The following KPNA7 variants were observed in gnomAD, a reference collection of about 807,000 sequenced individuals.
KPNA7 encodes karyopherin subunit alpha 7, also known as importin subunit alpha-8.
KPNA7 carries 54 observed loss-of-function variants against 53.7 expected under a neutral mutation model. The ratio of observed to expected loss-of-function variants is 1.01; its 90% CI spans 0.81 to 1.26. The LOEUF is 1.26. Ranked by LOEUF, KPNA7 falls within the 50% of genes most tolerant of loss-of-function variation. KPNA7 has a pLI of 0.00. For synonymous variants in KPNA7, 276 were observed against 259.3 expected, an observed-to-expected ratio of 1.06 and a Z score of -0.62; for missense variants, 640 against 644.5, an observed-to-expected ratio of 0.99 and a Z score of 0.07.
At chr7:99,157,181 G>A in the KPNA7 span, among the ~76,000 whole-genome samples, 3 of 152,112 alleles carry the variant, frequency 2.0e-5, no homozygotes, top group Non-Finnish European at 2.9e-5. Flanking sequence ...CTGGGAAATG[G>A]TTGTTTTGTT....
At chr7:99,215,465 A>T (rs1489870812) in intron 1 of KPNA7, among the ~76,000 whole-genome samples, 1 of 151,454 alleles carries the variant, frequency 6.6e-6, no homozygotes, top group East Asian at 1.9e-4. Context: ...GCTCAGCTGC[A>T]GATGAGACAG....
the KPNA7 span, among the ~76,000 whole-genome samples, chr7:99,149,923 T>C: frequency 6.6e-6 from 1 of 151,958 alleles, no homozygotes; most frequent in Admixed American, 6.6e-5. Flanking sequence ...GCCTCCCGAG[T>C]AGCTCAGACA....
intron 3 of KPNA7, among the ~76,000 whole-genome samples, chr7:99,199,935 TG>T (rs201377300): frequency 2.6e-5 from 4 of 151,986 alleles, no homozygotes; most frequent in Non-Finnish European, 5.9e-5. Flanking sequence ...TTTTTTTTGG[TG>T]GGGGGACACA....
In KPNA7 at chr7:99,188,512, T is replaced by C. The variant is rs1430685096; in HGVS notation, c.688A>G (p.Lys230Glu). 3 of 1,551,572 alleles carry C rather than the reference T, an allele frequency of 1.9e-6. No homozygotes were observed. The highest frequency in any genetic ancestry group is 2.6e-6 in the Non-Finnish European group (3 of 1,147,016). The change falls in exon 7 of 11, where the codon AAG becomes GAG. Residue 230 changes from lysine to glutamate, a missense_variant. Lys to Glu is a moderately conservative substitution (Grantham distance 56, BLOSUM62 1). Transcript: ENST00000327442. ...GCAGTGTCGCAAGGGTATGGGTTCT[T>C]GTTTCGGCACAGATTCGACAAGGTC... is the stretch of plus-strand genomic sequence containing the variant. ...TWTLSNLCRN[K>E]NPYPCDTAVK...
upstream of KPNA7, among the ~76,000 whole-genome samples, chr7:99,209,745 T>C (rs1415492415): frequency 7.0e-6 from 1 of 142,530 alleles, no homozygotes; most frequent in Non-Finnish European, 1.5e-5. Flanking sequence ...CAGTGGCTCA[T>C]GCCTGTAATC....
the KPNA7 span, among the ~76,000 whole-genome samples, chr7:99,156,580 A>G: frequency 5.9e-5 from 9 of 152,160 alleles, no homozygotes; most frequent in Middle Eastern, 6.8e-3. Flanking sequence ...GCTGGAATGC[A>G]ATGGCACAAT....
chr7:99,193,710 C>T (rs1419154101), intron 5 of KPNA7, among the ~76,000 whole-genome samples: 1 of 151,462 alleles, frequency 6.6e-6, no homozygotes, highest in Non-Finnish European at 1.5e-5. Flanking sequence ...CAGGATCTCA[C>T]TCTATTGCCC....
At chr7:99,163,378 TATA>T in the KPNA7 span, among the ~76,000 whole-genome samples, 618 of 70,158 alleles carry the variant, frequency 8.8e-3, 8 homozygotes, top group East Asian at 0.028. Context: ...TATATATATA[TATA>T]TATTTTTTTT....
At chr7:99,197,480 AAAAAGCAATC>A (rs1442773802) in intron 3 of KPNA7, among the ~76,000 whole-genome samples, 2 of 152,222 alleles carry the variant, frequency 1.3e-5, no homozygotes, top group African/African-American at 4.8e-5. Context: ...ATATATGTGA[AAAAAGCAATC>A]AATAGCAATA....
Position 99,188,409 on chromosome 7 carries a change from GC to G in KPNA7, c.790del (p.Ala264HisfsTer26), listed in dbSNP as rs1789743779. 6.4e-7 allele frequency: 1 copy of G among 1,551,616 alleles called. No homozygotes were observed. Among genetic ancestry groups the G allele is most frequent in the African/African-American group, 1.4e-5 (1 of 73,118 alleles). On this transcript the variant is annotated frameshift_variant, in exon 7 of 11. Coordinates refer to ENST00000327442, the MANE Select transcript of KPNA7 (RefSeq NM_001145715.3). LOFTEE classifies it high-confidence loss of function. ...DSEVLSDACW[A>X]LSYLTDGSNK... is the part of the protein sequence containing the mutation. ...GGAGCCGTCGGTGAGGTAGGACAGT[GC>G]CCAGCAGGCATCCGAGAGAACCTCA... is the stretch of plus-strand genomic sequence containing the variant.
At chr7:99,192,082 G>T (rs938486909) in intron 6 of KPNA7, among the ~76,000 whole-genome samples, 2 of 152,166 alleles carry the variant, frequency 1.3e-5, no homozygotes, top group Non-Finnish European at 2.9e-5. Flanking sequence ...AGCCTCAAAA[G>T]AAGAGCCTGT....
intron 1 of KPNA7, among the ~76,000 whole-genome samples, chr7:99,215,044 G>A (rs1182134450): frequency 1.3e-5 from 2 of 152,004 alleles, no homozygotes; most frequent in Non-Finnish European, 2.9e-5. Context: ...CCATTGCCAA[G>A]GGAACTGCTC....
the KPNA7 span, among the ~76,000 whole-genome samples, chr7:99,168,029 A>C: frequency 3.3e-5 from 5 of 151,216 alleles, no homozygotes; most frequent in Non-Finnish European, 7.4e-5. Flanking sequence ...CCTTCCACAA[A>C]ACCAGTCCGT....
chr7:99,178,888 T>G (rs370373372), intron 9 of KPNA7, among the ~76,000 whole-genome samples: 193 of 150,692 alleles, frequency 1.3e-3, no homozygotes, highest in African/African-American at 2.4e-3. Context: ...GTTCAAGAGA[T>G]TCTCCTGCCT....
chr7:99,199,527 A>C (rs1181256513), intron 3 of KPNA7, among the ~76,000 whole-genome samples: 2 of 152,200 alleles, frequency 1.3e-5, no homozygotes, highest in African/African-American at 4.8e-5. Flanking sequence ...GTGCTGGTAC[A>C]ACTATGTATC....
At chr7:99,162,929 C>T in the KPNA7 span, among the ~76,000 whole-genome samples, 1 of 152,018 alleles carries the variant, frequency 6.6e-6, no homozygotes, top group African/African-American at 2.4e-5. Flanking sequence ...GCCTGTAATC[C>T]CAACACTTTG....
At chr7:99,201,993 C>T (rs1198544954) in intron 3 of KPNA7, among the ~76,000 whole-genome samples, 1 of 152,240 alleles carries the variant, frequency 6.6e-6, no homozygotes, top group South Asian at 2.1e-4. Context: ...CAGGTGTGAA[C>T]CACTGTGCTT....
At chr7:99,161,179 A>T in the KPNA7 span, among the ~76,000 whole-genome samples, 1 of 149,820 alleles carries the variant, frequency 6.7e-6, no homozygotes, top group Non-Finnish European at 1.5e-5. Context: ...GTTATAAAGG[A>T]CCATGGCTTC....
chr7:99,208,849 G>A (rs960218490), upstream of KPNA7, among the ~76,000 whole-genome samples: 7 of 152,178 alleles, frequency 4.6e-5, no homozygotes, highest in African/African-American at 1.7e-4. Flanking sequence ...TGGGCTGGTT[G>A]TCATATATAG....
Sources: gnomAD v4.1 joint callset for allele counts (sites outside exome capture counted in the v4.1 genomes callset) on GRCh38, gnomAD v4.1.1 for gene constraint, MANE v1.5 for transcripts, NCBI Gene and HGNC (gene_info 2026-07-23, HGNC 2026-07-21) for gene names.